The following TNIP1 variants were observed in gnomAD, a reference collection of about 807,000 sequenced individuals.
TNIP1 encodes TNFAIP3 interacting protein 1.
In TNIP1, 22 loss-of-function variants were observed where a neutral mutation model predicts 86.6. That is an observed-to-expected ratio of 0.25 (90% CI 0.18 to 0.36). The LOEUF (loss-of-function observed/expected upper bound fraction) is 0.36, where lower values mean the gene tolerates loss of function less well. Among genes scored for constraint, TNIP1 ranks in the 10% least tolerant of loss-of-function variants. TNIP1 has a pLI of 1.00. For synonymous variants in TNIP1, 294 were observed against 313.0 expected, an observed-to-expected ratio of 0.94 and a Z score of 0.64; for missense variants, 709 against 820.6, an observed-to-expected ratio of 0.86 and a Z score of 1.66.
chr5:151,034,645 T>G (rs1398637497), intron 15 of TNIP1: 3 of 311,624 alleles, frequency 9.6e-6, no homozygotes, highest in Non-Finnish European at 1.8e-5. Context: ...AGGCTGGGCA[T>G]GGGCACAAAA....
chr5:151,064,823 C>A, intron 2 of TNIP1, 137 bp downstream of exon 2: 7 of 1,257,810 alleles, frequency 5.6e-6, no homozygotes, highest in Non-Finnish European at 7.9e-6. Context: ...AGGCAGGAGC[C>A]AGCGCTGGGC....
At chr5:151,034,521 ACACAGAAGGCTGGGCACATGGG>A (rs1757434091) in intron 15 of TNIP1, 1 of 237,094 alleles carries the variant, frequency 4.2e-6, no homozygotes, top group Non-Finnish European at 7.7e-6. Flanking sequence ...GGGTAAATGG[ACACAGAAGGCTGGGCACATGGG>A]CACGGAAGGC....
At chr5:151,061,158 G>A (rs1393819019) in intron 4 of TNIP1, among the ~76,000 whole-genome samples, 1 of 152,152 alleles carries the variant, frequency 6.6e-6, no homozygotes, top group African/African-American at 2.4e-5. Context: ...TGGCCCACCT[G>A]AACCAGCCAT....
chr5:151,079,001 A>G (rs1763700929), intron 1 of TNIP1, among the ~76,000 whole-genome samples: 1 of 152,076 alleles, frequency 6.6e-6, no homozygotes, highest in Admixed American at 6.5e-5. Flanking sequence ...GCCCCGAAAA[A>G]ACTGGTGGGG....
chr5:151,086,566 A>G (rs1414168242), intron 1 of TNIP1, among the ~76,000 whole-genome samples: 1 of 152,186 alleles, frequency 6.6e-6, no homozygotes, highest in African/African-American at 2.4e-5. Context: ...CCTCTCCATC[A>G]AAAATTCACT....
At chr5:151,048,315 C>T (rs894553224) in intron 8 of TNIP1, among the ~76,000 whole-genome samples, 35 of 152,332 alleles carry the variant, frequency 2.3e-4, no homozygotes, top group African/African-American at 7.7e-4. Context: ...CAACAGCTAA[C>T]GTTCACTGTT....
chr5:151,086,093 C>A (rs541500985), intron 1 of TNIP1, among the ~76,000 whole-genome samples: 1 of 152,140 alleles, frequency 6.6e-6, no homozygotes, highest in Non-Finnish European at 1.5e-5. Context: ...TTTGGATGAA[C>A]TGGCCTTTCT....
rs1759111358 is a variant in TNIP1, at chr5:151,045,970, A to T, written c.847-20T>A. 1 of 1,610,892 alleles carries T rather than the reference A, an allele frequency of 6.2e-7. No individual in the cohort carries two copies. The highest frequency in any genetic ancestry group is 1.1e-5 in the South Asian group (1 of 91,032). Reference sequence around the variant, plus strand: ...ACTAGCCTGGGGAGAAGCACAGAGGAGCCTTCACCAAAACCTCAATACAAA... The same window carrying T: ...ACTAGCCTGGGGAGAAGCACAGAGGTGCCTTCACCAAAACCTCAATACAAA... On this transcript the variant is annotated intron_variant, in intron 8 of 17. Transcript: ENST00000521591.
intron 1 of TNIP1, among the ~76,000 whole-genome samples, chr5:151,079,089 G>T (rs1561547108): frequency 2.0e-5 from 3 of 152,194 alleles, no homozygotes; most frequent in African/African-American, 7.2e-5. Context: ...GGAGACAAAC[G>T]TGGTTACATA....
intron 1 of TNIP1, among the ~76,000 whole-genome samples, chr5:151,077,899 C>T (rs899987868): frequency 3.3e-5 from 5 of 152,282 alleles, no homozygotes; most frequent in African/African-American, 1.2e-4. Flanking sequence ...TTCTCCCAAC[C>T]GAGGAGAGGC....
At chr5:151,034,809 A>G (rs1241728523) in intron 15 of TNIP1, 193 bp downstream of exon 15, 1 of 622,352 alleles carries the variant, frequency 1.6e-6, no homozygotes, top group Non-Finnish European at 2.9e-6. Flanking sequence ...CAGAATGTCA[A>G]CAGTGATGAC....
At chr5:151,059,828 A>AGAGAGTGTGTGTGT (rs1554076446) in intron 5 of TNIP1, among the ~76,000 whole-genome samples, 4 of 56,384 alleles carry the variant, frequency 7.1e-5, no homozygotes, top group Non-Finnish European at 9.7e-5. Flanking sequence ...AGAGAGAGAG[A>AGAGAGTGTGTGTGT]GTGTGTGTGT....
intron 6 of TNIP1, among the ~76,000 whole-genome samples, chr5:151,053,975 C>T (rs1014427771): frequency 1.3e-5 from 2 of 152,242 alleles, no homozygotes; most frequent in Admixed American, 1.3e-4. Flanking sequence ...GGGCCATTCA[C>T]TAAACAGCCA....
chr5:151,084,420 G>A (rs1467771576), upstream of TNIP1, among the ~76,000 whole-genome samples: 1 of 150,606 alleles, frequency 6.6e-6, no homozygotes, highest in South Asian at 2.1e-4. Flanking sequence ...ACTCCAGCCT[G>A]GGGACAAGAG....
At position 151,035,188 on chromosome 5, in the gene TNIP1, C is replaced by T. The variant is rs41290561; in HGVS notation, c.1522-121G>A. ...TGATGCTTCCCTCTGGGCCACCATG[C>T]GTGGGCCAGCCCCGGGAAAGGGCCC... On this transcript the variant is annotated intron_variant, in intron 14 of 17. Transcript: ENST00000521591. 2,649 of 1,150,322 alleles carry T rather than the reference C, an allele frequency of 2.3e-3. 5 individuals are homozygous for T. Among genetic ancestry groups the T allele is most frequent in the Non-Finnish European group, 2.8e-3 (2,234 of 798,576 alleles). The allele number at this position is 1,150,322 out of a possible 1,614,324, so 71.3% of individuals were successfully genotyped here. A position where few individuals can be genotyped will look rare whatever the true frequency, so the allele number is the denominator to read the frequency against.
intron 8 of TNIP1, 134 bp downstream of exon 8, chr5:151,049,672 GGCCAAGTAAAGAAAAAAA>G: frequency 6.5e-6 from 6 of 924,834 alleles, no homozygotes; most frequent in Non-Finnish European, 9.9e-6. Context: ...ATGGAGGTCA[GGCCAAGTAAAGAAAAAAA>G]CACGTAACAG....
intron 11 of TNIP1, among the ~76,000 whole-genome samples, chr5:151,041,270 C>G (rs1436144111): frequency 1.3e-5 from 2 of 152,142 alleles, no homozygotes; most frequent in Admixed American, 1.3e-4. Context: ...GGGGTTTCAC[C>G]ATGTTGGCCA....
At chr5:151,050,694 C>T (rs1279036035) in intron 7 of TNIP1, among the ~76,000 whole-genome samples, 1 of 152,034 alleles carries the variant, frequency 6.6e-6, no homozygotes, top group Non-Finnish European at 1.5e-5. Context: ...AGTACAGTGG[C>T]CCAATCTCGG....
intron 5 of TNIP1, among the ~76,000 whole-genome samples, chr5:151,059,360 T>C (rs1761086644): frequency 6.6e-6 from 1 of 152,210 alleles, no homozygotes; most frequent in African/African-American, 2.4e-5. Context: ...CAGAGCTGCC[T>C]GAGGCAGTGG....
Sources: allele counts gnomAD v4.1 joint callset (sites outside exome capture counted in the v4.1 genomes callset), GRCh38; gene constraint gnomAD v4.1.1; transcripts MANE v1.5; gene names NCBI Gene and HGNC (gene_info 2026-07-23, HGNC 2026-07-21).